Variants in DGKG observed in about 807,000 individuals in gnomAD.
DGKG encodes the protein DAG kinase gamma.
DGKG carries 78 observed loss-of-function variants against 105.3 expected under a neutral mutation model. The ratio of observed to expected loss-of-function variants is 0.74; its 90% CI spans 0.62 to 0.89. The LOEUF (loss-of-function observed/expected upper bound fraction) is 0.89, where lower values mean the gene tolerates loss of function less well. Ranked by LOEUF, DGKG falls within the 40% of genes least tolerant of loss-of-function variation. DGKG has a pLI of 0.00. For missense variants in DGKG, 958 were observed against 1,020.1 expected, an observed-to-expected ratio of 0.94 and a Z score of 0.83; for synonymous variants, 346 against 367.1, an observed-to-expected ratio of 0.94 and a Z score of 0.66.
intron 19 of DGKG, among the ~76,000 whole-genome samples, chr3:186,250,321 G>C (rs546725117): frequency 1.1e-3 from 170 of 152,188 alleles, no homozygotes; most frequent in African/African-American, 4.1e-3. Context: ...ACACACTGGG[G>C]CCTGTGGGGA....
chr3:186,351,808 T>C (rs1726642853), intron 1 of DGKG, among the ~76,000 whole-genome samples: 1 of 152,240 alleles, frequency 6.6e-6, no homozygotes, highest in African/African-American at 2.4e-5. Context: ...CTGGTGCAGA[T>C]CCAGTTTCGG....
intron 6 of DGKG, among the ~76,000 whole-genome samples, chr3:186,285,772 C>T (rs1394002746): frequency 1.3e-5 from 2 of 151,760 alleles, no homozygotes; most frequent in East Asian, 3.9e-4. Flanking sequence ...CTCCGCCTCC[C>T]GGGTTCAAGC....
At chr3:186,336,660 G>A (rs11917788) in intron 1 of DGKG, among the ~76,000 whole-genome samples, 3,594 of 152,174 alleles carry the variant, frequency 0.024, 151 homozygotes, top group African/African-American at 0.083. Context: ...TTGGTTAAAA[G>A]CAAAAGTCCT....
chr3:186,343,863 G>T (rs1265017250), intron 1 of DGKG, among the ~76,000 whole-genome samples: 4 of 151,868 alleles, frequency 2.6e-5, no homozygotes, highest in Non-Finnish European at 5.9e-5. Context: ...GCAGTATATG[G>T]TGAGCATTAT....
At chr3:186,267,834 T>G in intron 12 of DGKG, 57 bp from the exon 13 acceptor site, 1 of 1,539,324 alleles carries the variant, frequency 6.5e-7, no homozygotes, top group Non-Finnish European at 9.0e-7. Context: ...ACATCAAACA[T>G]GAAGGTGGAG....
intron 5 of DGKG, among the ~76,000 whole-genome samples, chr3:186,290,090 G>C (rs1379197268): frequency 1.3e-5 from 2 of 152,172 alleles, no homozygotes; most frequent in Non-Finnish European, 2.9e-5. Flanking sequence ...AGGAAACGTG[G>C]CTGCAAAGTA....
intron 6 of DGKG, among the ~76,000 whole-genome samples, chr3:186,287,866 A>G (rs1305808814): frequency 6.6e-6 from 1 of 152,204 alleles, no homozygotes; most frequent in Non-Finnish European, 1.5e-5. Flanking sequence ...ATTAACTGGA[A>G]TTTTGACTTT....
intron 15 of DGKG, among the ~76,000 whole-genome samples, 159 bp from the exon 16 acceptor site, chr3:186,260,672 C>G (rs763039527): frequency 2.1e-4 from 32 of 152,318 alleles, no homozygotes; most frequent in Non-Finnish European, 1.8e-4. Flanking sequence ...CTGACCCTGG[C>G]GTCCAGGTTC....
In DGKG at chr3:186,148,752, C is replaced by A. The variant is rs1038153131; in HGVS notation, c.*1338G>T. Reference sequence around the variant, plus strand: ...GGTCTTTCATGCTTGTTTTGAGGATCCAGAATAGGAGTTCTCGGTCTCTTC... The same window carrying A: ...GGTCTTTCATGCTTGTTTTGAGGATACAGAATAGGAGTTCTCGGTCTCTTC... On this transcript the variant is annotated 3_prime_UTR_variant, in exon 25 of 25. Transcript: ENST00000265022. The A allele has an allele frequency of 1.0e-6, 1 of 985,346 alleles. No individual in the cohort carries two copies. Among genetic ancestry groups the A allele is most frequent in the African/African-American group, 1.7e-5 (1 of 57,240 alleles). 61.0% of individuals were successfully genotyped at this position (985,346 alleles called of 1,614,324 possible).
rs574326202 is a variant in DGKG, at chr3:186,288,595, C to T, written c.544+115G>A. ...GGACAAAGAAACCTCCCCAAAGAGG[C>T]GGGACGCATATCCGTGATATCAACT... On this transcript the variant is annotated intron_variant, in intron 6 of 24. Transcript: ENST00000265022. 110 of 1,106,332 alleles carry T rather than the reference C, an allele frequency of 9.9e-5. 1 individual carries two copies. The highest frequency in any genetic ancestry group is 1.2e-4 in the Non-Finnish European group (90 of 764,214). 68.5% of individuals were successfully genotyped at this position (1,106,332 alleles called of 1,614,324 possible). A position where few individuals can be genotyped will look rare whatever the true frequency, so the allele number is the denominator to read the frequency against.
intron 22 of DGKG, among the ~76,000 whole-genome samples, chr3:186,187,795 T>A (rs1578639362): frequency 6.6e-6 from 1 of 152,186 alleles, no homozygotes; most frequent in East Asian, 1.9e-4. Flanking sequence ...AGGAAAACCA[T>A]GAGCAAATCA....
chr3:186,204,180 A>G (rs2108513315), intron 21 of DGKG, among the ~76,000 whole-genome samples: 1 of 152,234 alleles, frequency 6.6e-6, no homozygotes, highest in African/African-American at 2.4e-5. Context: ...AGGCCAAGGC[A>G]GGTAGATCTA....
chr3:186,339,453 T>C (rs1340387193), intron 1 of DGKG, among the ~76,000 whole-genome samples: 1 of 152,212 alleles, frequency 6.6e-6, no homozygotes, highest in Non-Finnish European at 1.5e-5. Flanking sequence ...AGAGAGGAAC[T>C]ACTAAAATCA....
At chr3:186,332,444 G>C (rs1035700324) in intron 1 of DGKG, among the ~76,000 whole-genome samples, 2 of 152,084 alleles carry the variant, frequency 1.3e-5, no homozygotes, top group African/African-American at 4.8e-5. Flanking sequence ...AGTGCTGAGG[G>C]GCTGATGTAG....
intron 22 of DGKG, among the ~76,000 whole-genome samples, chr3:186,182,854 G>T (rs1291044320): frequency 1.3e-5 from 2 of 152,102 alleles, no homozygotes; most frequent in Non-Finnish European, 2.9e-5. Flanking sequence ...AGGCAGGGTG[G>T]GAGGCTTTGA....
chr3:186,295,805 C>T (rs777274847), intron 5 of DGKG, among the ~76,000 whole-genome samples: 1 of 151,910 alleles, frequency 6.6e-6, no homozygotes, highest in Non-Finnish European at 1.5e-5. Flanking sequence ...TAATGGCAGA[C>T]CATACTGAGT....
chr3:186,294,968 T>C (rs530011860), intron 5 of DGKG, among the ~76,000 whole-genome samples: 1 of 152,336 alleles, frequency 6.6e-6, no homozygotes, highest in African/African-American at 2.4e-5. Flanking sequence ...GCTGAGCTTA[T>C]GATCCAGGGG....
At chr3:186,230,083 T>C (rs554097836) in intron 20 of DGKG, among the ~76,000 whole-genome samples, 124 of 151,774 alleles carry the variant, frequency 8.2e-4, no homozygotes, top group African/African-American at 2.8e-3. Context: ...CATGGTGAAA[T>C]CCCGTCTCTA....
chr3:186,295,064 G>A (rs146039118), intron 5 of DGKG, among the ~76,000 whole-genome samples: 17 of 152,266 alleles, frequency 1.1e-4, no homozygotes, highest in African/African-American at 3.6e-4. Context: ...CTGAAAACTC[G>A]ATAATCCTTC....
Sources: gnomAD v4.1 joint callset for allele counts (sites outside exome capture counted in the v4.1 genomes callset) on GRCh38, gnomAD v4.1.1 for gene constraint, MANE v1.5 for transcripts, NCBI Gene and HGNC (gene_info 2026-07-23, HGNC 2026-07-21) for gene names.